MEI4: variants seen among roughly 807,000 people sequenced by gnomAD.
MEI4 encodes meiotic double-stranded break formation protein 4, also known as meiosis-specific protein MEI4.
MEI4 carries 27 observed loss-of-function variants against 31.4 expected under a neutral mutation model. That is an observed-to-expected ratio of 0.86 (90% confidence interval 0.63 to 1.19). MEI4 has a LOEUF of 1.19. MEI4 is among the 50% of genes most tolerant of loss of function. The probability of loss-of-function intolerance (pLI) is 0.00; values close to 1 mark genes in which losing one functional copy is unlikely to be tolerated. For synonymous variants in MEI4, 122 were observed against 145.4 expected, an observed-to-expected ratio of 0.84 and a Z score of 1.16; for missense variants, 329 against 398.9, an observed-to-expected ratio of 0.82 and a Z score of 1.49.
At chr6:77,737,202 A>T (rs1215506165) in intron 2 of MEI4, among the ~76,000 whole-genome samples, 1 of 152,204 alleles carries the variant, frequency 6.6e-6, no homozygotes, top group Non-Finnish European at 1.5e-5. Context: ...CTAAGACAGT[A>T]TACTTTCCAT....
At chr6:77,823,771 A>G (rs1410859891) in intron 3 of MEI4, among the ~76,000 whole-genome samples, 1 of 152,164 alleles carries the variant, frequency 6.6e-6, no homozygotes, top group Non-Finnish European at 1.5e-5. Context: ...ATAATTCTGG[A>G]TGCTTCAGAA....
chr6:77,683,027 A>G (rs2127649780), intron 1 of MEI4, among the ~76,000 whole-genome samples: 1 of 152,258 alleles, frequency 6.6e-6, no homozygotes, highest in Non-Finnish European at 1.5e-5. Context: ...GTTATGTTTA[A>G]TGTGCAAGTA....
At chr6:77,842,682 C>T (rs1770393989) in intron 4 of MEI4, among the ~76,000 whole-genome samples, 1 of 151,970 alleles carries the variant, frequency 6.6e-6, no homozygotes, top group Non-Finnish European at 1.5e-5. Flanking sequence ...GCATTCTTTT[C>T]CCACAGTACA....
At chr6:77,793,416 G>A (rs1452730315) in intron 3 of MEI4, among the ~76,000 whole-genome samples, 2 of 152,032 alleles carry the variant, frequency 1.3e-5, no homozygotes, top group Non-Finnish European at 2.9e-5. Context: ...TGAAATGAAA[G>A]GACACTAAAT....
intron 2 of MEI4, among the ~76,000 whole-genome samples, chr6:77,719,346 G>A (rs71539609): frequency 0.24 from 31,719 of 133,918 alleles, 6,800 homozygotes; most frequent in African/African-American, 0.36. Flanking sequence ...TAATTTACCC[G>A]TGGCCTGAGT....
chr6:77,916,139 T>C (rs1346509952), intron 4 of MEI4, among the ~76,000 whole-genome samples: 1 of 152,106 alleles, frequency 6.6e-6, no homozygotes, highest in Admixed American at 6.6e-5. Context: ...CATTGATACA[T>C]TTCTCATTCA....
At chr6:77,699,682 G>T (rs1212384718) in intron 2 of MEI4, among the ~76,000 whole-genome samples, 2 of 152,040 alleles carry the variant, frequency 1.3e-5, no homozygotes, top group African/African-American at 4.8e-5. Context: ...CAGGTTTTCT[G>T]CTGTGTTTTT....
At chr6:77,674,769 AG>A (rs1354487263) in intron 1 of MEI4, among the ~76,000 whole-genome samples, 1 of 152,190 alleles carries the variant, frequency 6.6e-6, no homozygotes, top group Non-Finnish European at 1.5e-5. Flanking sequence ...TTTACAAGAC[AG>A]AACAAATTTC....
intron 3 of MEI4, among the ~76,000 whole-genome samples, chr6:77,828,386 G>GGAGTGCAAA (rs2127711091): frequency 6.6e-6 from 1 of 152,000 alleles, no homozygotes; most frequent in South Asian, 2.1e-4. Flanking sequence ...GATTCTCATA[G>GGAGTGCAAA]GAGTGCAAAC....
intron 3 of MEI4, among the ~76,000 whole-genome samples, chr6:77,800,924 G>A (rs547203474): frequency 1.3e-5 from 2 of 152,280 alleles, no homozygotes; most frequent in African/African-American, 4.8e-5. Flanking sequence ...TTGCATTAAT[G>A]TTCATCAGGG....
chr6:77,889,587 A>G lies in MEI4; in HGVS notation c.901-33502A>G, dbSNP rs140134093. Among the ~76,000 whole-genome samples the G allele has an allele frequency of 1.6e-3, 246 of 152,334 alleles. 1 individual carries two copies. The highest frequency in any genetic ancestry group is 2.8e-3 in the Non-Finnish European group (193 of 68,014). On this transcript the variant is annotated intron_variant, in intron 4 of 4. Transcript: ENST00000684080. ...CAATGCAGTGGAAAAAGTAAAAAAC[A>G]CTTTCTAGGGAGAAATTCAAGCTGG...
intron 1 of MEI4, among the ~76,000 whole-genome samples, chr6:77,665,117 A>G (rs1233754794): frequency 6.6e-6 from 1 of 151,778 alleles, no homozygotes; most frequent in African/African-American, 2.4e-5. Context: ...GTTGGGGCGC[A>G]GAGATAAGAG....
At chr6:77,830,877 A>C (rs541191784) in intron 4 of MEI4, among the ~76,000 whole-genome samples, 2 of 152,122 alleles carry the variant, frequency 1.3e-5, no homozygotes, top group South Asian at 4.1e-4. Context: ...AAAAACACAA[A>C]CAATAAAAGC....
intron 3 of MEI4, among the ~76,000 whole-genome samples, chr6:77,771,693 T>C (rs562723561): frequency 6.6e-6 from 1 of 151,952 alleles, no homozygotes; most frequent in South Asian, 2.1e-4. Context: ...GCAACAGAAA[T>C]GAAATATTAC....
intron 4 of MEI4, among the ~76,000 whole-genome samples, chr6:77,872,982 G>A (rs1329723260): frequency 6.6e-6 from 1 of 151,138 alleles, no homozygotes; most frequent in Non-Finnish European, 1.5e-5. Flanking sequence ...GTCTATCATT[G>A]TTGGACATTT....
intron 4 of MEI4, among the ~76,000 whole-genome samples, chr6:77,903,229 A>C (rs939560436): frequency 1.3e-5 from 2 of 152,058 alleles, no homozygotes; most frequent in Non-Finnish European, 1.5e-5. Context: ...TGGTTAACTT[A>C]CAAAATTTCA....
intron 4 of MEI4, among the ~76,000 whole-genome samples, chr6:77,921,921 G>A (rs1318663989): frequency 6.6e-6 from 1 of 151,690 alleles, no homozygotes; most frequent in Non-Finnish European, 1.5e-5. Context: ...AACAGATAAA[G>A]TAACAGTGAA....
At chr6:77,677,997 C>A (rs1419472287) in intron 1 of MEI4, among the ~76,000 whole-genome samples, 1 of 152,140 alleles carries the variant, frequency 6.6e-6, no homozygotes, top group Non-Finnish European at 1.5e-5. Flanking sequence ...GTATCTTTTA[C>A]AGCAGGAGCT....
At chr6:77,682,190 A>G (rs529005711) in intron 1 of MEI4, among the ~76,000 whole-genome samples, 3 of 152,214 alleles carry the variant, frequency 2.0e-5, no homozygotes, top group Non-Finnish European at 4.4e-5. Context: ...ATGATACATG[A>G]GGACTTCCTC....
Sources: gnomAD v4.1 joint callset for allele counts (sites outside exome capture counted in the v4.1 genomes callset) on GRCh38, gnomAD v4.1.1 for gene constraint, MANE v1.5 for transcripts, NCBI Gene and HGNC (gene_info 2026-07-23, HGNC 2026-07-21) for gene names.